LDB3: variants seen among roughly 807,000 people sequenced by gnomAD.
LDB3 encodes the protein LIM domain binding 3, also known as LIM domain-binding protein 3.
LDB3 carries 49 observed loss-of-function variants against 69.0 expected under a neutral mutation model. The observed-to-expected ratio is 0.71, with a 90% confidence interval of 0.56 to 0.90. The LOEUF is 0.90. Ranked by LOEUF, LDB3 falls within the 40% of genes least tolerant of loss-of-function variation. The pLI is 0.00. For synonymous variants in LDB3, 387 were observed against 396.2 expected (o/e 0.98, Z 0.28); for missense variants, 928 against 974.1 (o/e 0.95, Z 0.63).
At chr10:86,706,084 T>A (rs1846429101) in intron 7 of LDB3, among the ~76,000 whole-genome samples, 7 of 152,186 alleles carry the variant, frequency 4.6e-5, no homozygotes, top group Non-Finnish European at 1.5e-5. Context: ...GACACTCAAA[T>A]ATCTTCACTC....
chr10:86,685,645 C>A, intron 5 of LDB3: 1 of 1,613,500 alleles, frequency 6.2e-7, no homozygotes. Flanking sequence ...CTCTCTCTGA[C>A]CACCCTGTCT....
intron 5 of LDB3, 125 bp from the exon 6 acceptor site, chr10:86,691,771 C>A: frequency 1.8e-6 from 2 of 1,095,424 alleles, no homozygotes; most frequent in Non-Finnish European, 1.4e-6. Flanking sequence ...TCTCAGACAG[C>A]AATGGATAAA....
At chr10:86,685,089 A>G (rs1316987985) in intron 5 of LDB3, among the ~76,000 whole-genome samples, 27 of 152,124 alleles carry the variant, frequency 1.8e-4, no homozygotes, top group Admixed American at 1.8e-3. Context: ...CTATACCCCA[A>G]GAGGAGCAGC....
rs1844963107 is a variant in LDB3, at chr10:86,679,132, T to C, written c.94-235T>C. On this transcript the variant is annotated intron_variant, in intron 2 of 13. Coordinates refer to ENST00000361373, the MANE Select transcript of LDB3 (RefSeq NM_007078.3). Reference sequence around the variant, plus strand: ...GAGCATACATTGCTTCCACCCTCATTCAGTTGGCCAGAGCTAGTCCCAAGG... The same window carrying C: ...GAGCATACATTGCTTCCACCCTCATCCAGTTGGCCAGAGCTAGTCCCAAGG... Among the ~76,000 whole-genome samples, 2 of 152,116 alleles carry C rather than the reference T, an allele frequency of 1.3e-5. 1 individual carries two copies. Among genetic ancestry groups the C allele is most frequent in the South Asian group, 4.1e-4 (2 of 4,834 alleles).
At position 86,699,390 on chromosome 10, in the gene LDB3, C is replaced by T. The variant is rs765450945; in HGVS notation, c.896+6819C>T. The T allele has an allele frequency of 6.2e-7, 1 of 1,613,144 alleles. No individual in the cohort carries two copies. Among genetic ancestry groups the T allele is most frequent in the Non-Finnish European group, 8.5e-7 (1 of 1,179,596 alleles). On this transcript the variant is annotated intron_variant, in intron 7 of 13. Transcript: ENST00000361373. The surrounding 1 kb of genome is among the most constrained non-coding windows in gnomAD (Gnocchi z 4.9). ...TAAAAGCTAAAAGGCTGCCTGGAAT[C>T]CCCCCACCCCAACAGGCTGGACTCC...
chr10:86,731,273 T>G (rs61857148), intron 13 of LDB3, among the ~76,000 whole-genome samples: 51,472 of 141,570 alleles, frequency 0.36, 9,958 homozygotes, highest in East Asian at 0.6. Context: ...CGCCCAGGCT[T>G]GGGTACAGTG....
chr10:86,700,545 G>A (rs1375962247), intron 7 of LDB3, among the ~76,000 whole-genome samples: 1 of 152,214 alleles, frequency 6.6e-6, no homozygotes, highest in East Asian at 1.9e-4. Context: ...GGGGCTCAGG[G>A]GAAAAGAGAT....
intron 2 of LDB3, among the ~76,000 whole-genome samples, chr10:86,675,259 G>A (rs1844731744): frequency 6.6e-6 from 1 of 152,254 alleles, no homozygotes; most frequent in African/African-American, 2.4e-5. Flanking sequence ...GACCTGGTGG[G>A]GAGGGCTGGT....
chr10:86,711,756 G>T (rs1846676709), intron 9 of LDB3, among the ~76,000 whole-genome samples: 1 of 150,168 alleles, frequency 6.7e-6, no homozygotes, highest in South Asian at 2.1e-4. Flanking sequence ...CCTGAGGCCC[G>T]GGAGGGGGCG....
Position 86,733,392 on chromosome 10 carries a change from T to G in LDB3, c.*416T>G, listed in dbSNP as rs1286073069. On this transcript the variant is annotated 3_prime_UTR_variant, in exon 14 of 14. Coordinates refer to ENST00000361373, the MANE Select transcript of LDB3 (RefSeq NM_007078.3). ...CGCTCCCCTGGCAAACAAATTGAAG[T>G]GCCAAACAGCACTCGCTGCAGGGTA... 1.6e-5 allele frequency: 4 copies of G among 252,154 alleles called. No individual in the cohort carries two copies. The highest frequency in any genetic ancestry group is 2.3e-5 in the Non-Finnish European group (3 of 129,016). The allele number at this position is 252,154 out of a possible 1,614,324, so 15.6% of individuals were successfully genotyped here. A position where few individuals can be genotyped will look rare whatever the true frequency, so the allele number is the denominator to read the frequency against.
chr10:86,668,932 T>G, intron 2 of LDB3, 148 bp downstream of exon 2: 5 of 673,044 alleles, frequency 7.4e-6, no homozygotes, highest in African/African-American at 3.6e-5. Flanking sequence ...TCCTCTGGTC[T>G]CAGCCACAGC....
At chr10:86,707,956 A>G (rs1294191506) in intron 8 of LDB3, among the ~76,000 whole-genome samples, 1 of 152,230 alleles carries the variant, frequency 6.6e-6, no homozygotes, top group East Asian at 1.9e-4. Context: ...AACTTTGAGG[A>G]GGGCAAGAAA....
intron 12 of LDB3, among the ~76,000 whole-genome samples, chr10:86,725,482 G>A (rs938281060): frequency 6.6e-6 from 1 of 152,198 alleles, no homozygotes; most frequent in African/African-American, 2.4e-5. Flanking sequence ...GCATTGTGCT[G>A]GGAGTGCAAA....
intron 2 of LDB3, among the ~76,000 whole-genome samples, chr10:86,671,151 C>T (rs1253781301): frequency 2.0e-5 from 3 of 152,290 alleles, no homozygotes; most frequent in Non-Finnish European, 2.9e-5. Flanking sequence ...AGGCTGGGAT[C>T]GTTACCTCGC....
At chr10:86,675,932 C>A (rs1187301928) in intron 2 of LDB3, among the ~76,000 whole-genome samples, 1 of 152,170 alleles carries the variant, frequency 6.6e-6, no homozygotes, top group Middle Eastern at 3.2e-3. Flanking sequence ...AACTTGCCCC[C>A]AGGAGTCCCC....
chr10:86,722,322 G>A (rs537271401), intron 12 of LDB3, among the ~76,000 whole-genome samples: 22 of 151,606 alleles, frequency 1.5e-4, no homozygotes, highest in South Asian at 4.2e-4. Flanking sequence ...GTGCAGTGGC[G>A]CGATCTTGGC....
chr10:86,669,711 A>T (rs963689048), intron 2 of LDB3, among the ~76,000 whole-genome samples: 1 of 152,218 alleles, frequency 6.6e-6, no homozygotes, highest in African/African-American at 2.4e-5. Context: ...GCGAACTGTG[A>T]GGCATACAGG....
In LDB3 at chr10:86,679,409, G is replaced by T. The variant is rs776046497; in HGVS notation, c.136G>T (p.Gly46Cys). 1 of 1,614,178 alleles carries T rather than the reference G, an allele frequency of 6.2e-7. No individual in the cohort carries two copies. The highest frequency in any genetic ancestry group is 1.3e-5 in the African/African-American group (1 of 75,032). The stretch of plus-strand genomic sequence containing the variant: ...GGCAGCCCAGTCCCAGCTCAGCCAG[G>T]GTGACCTCGTGGTGGCCATTGACGG... ...SKAAQSQLSQ[G>C]DLVVAIDGVN... Residue 46 changes from glycine (G) to cysteine (C), a missense_variant, in exon 3 of 14, where the codon GGT (glycine) becomes TGT (cysteine). Coordinates refer to ENST00000361373, the MANE Select transcript of LDB3 (RefSeq NM_007078.3).
intron 7 of LDB3, among the ~76,000 whole-genome samples, chr10:86,693,621 G>A (rs979011201): frequency 3.3e-5 from 5 of 152,258 alleles, no homozygotes; most frequent in African/African-American, 1.2e-4. Context: ...GGTCCTCCCA[G>A]GCCTGCTAAG....
Sources: allele counts gnomAD v4.1 joint callset (sites outside exome capture counted in the v4.1 genomes callset), GRCh38; gene constraint gnomAD v4.1.1; non-coding constraint Gnocchi (gnomAD v3.1); transcripts MANE v1.5; gene names NCBI Gene and HGNC (gene_info 2026-07-23, HGNC 2026-07-21).